Variants in CNTN3 observed in about 807,000 individuals in gnomAD.
CNTN3 encodes the protein contactin-3.
CNTN3 carries 60 observed loss-of-function variants against 119.1 expected under a neutral mutation model. The ratio of observed to expected loss-of-function variants is 0.50; its 90% CI spans 0.41 to 0.62. The LOEUF is 0.62. Ranked by LOEUF, CNTN3 falls within the 20% of genes least tolerant of loss-of-function variation. The pLI, the probability that CNTN3 is intolerant of heterozygous loss-of-function variation, is 0.00. For synonymous variants in CNTN3, 450 were observed against 438.7 expected, an observed-to-expected ratio of 1.03 and a Z score of -0.32; for missense variants, 1,101 against 1,242.4, an observed-to-expected ratio of 0.89 and a Z score of 1.71.
intron 11 of CNTN3, among the ~76,000 whole-genome samples, chr3:74,338,716 C>T (rs932139937): frequency 4.6e-5 from 7 of 151,998 alleles, no homozygotes; most frequent in Non-Finnish European, 8.8e-5. Context: ...CTATCTATTA[C>T]GGTTTGTTAT....
chr3:74,539,235 C>T (rs1223194011), intron 1 of CNTN3, among the ~76,000 whole-genome samples: 1 of 152,052 alleles, frequency 6.6e-6, no homozygotes, highest in Non-Finnish European at 1.5e-5. Flanking sequence ...TTAGGGACAT[C>T]AGGGTTCAAT....
At chr3:74,541,779 G>A (rs1483593839) in intron 1 of CNTN3, among the ~76,000 whole-genome samples, 8 of 152,084 alleles carry the variant, frequency 5.3e-5, no homozygotes, top group African/African-American at 1.9e-4. Flanking sequence ...ATGAAAAAAT[G>A]TTTCACTATA....
chr3:74,570,780 C>T (rs1377879300), intron 1 of CNTN3, among the ~76,000 whole-genome samples: 6 of 152,124 alleles, frequency 3.9e-5, no homozygotes, highest in East Asian at 3.9e-4. Context: ...AATTCTCTGA[C>T]GTATCACTTA....
chr3:74,613,551 C>T (rs189619439), intron 1 of CNTN3, among the ~76,000 whole-genome samples: 4 of 152,264 alleles, frequency 2.6e-5, no homozygotes, highest in Admixed American at 2.6e-4. Context: ...CCTCTGGACA[C>T]ATCTCCTTGT....
intron 1 of CNTN3, among the ~76,000 whole-genome samples, chr3:74,596,140 G>A (rs1328232766): frequency 6.6e-6 from 1 of 152,072 alleles, no homozygotes; most frequent in Non-Finnish European, 1.5e-5. Context: ...GGACGTGAAG[G>A]ACCTCTTCAA....
At chr3:74,333,008 T>C (rs972365517) in intron 13 of CNTN3, among the ~76,000 whole-genome samples, 14 of 152,138 alleles carry the variant, frequency 9.2e-5, no homozygotes, top group Non-Finnish European at 1.5e-4. Flanking sequence ...TTTCCTATCA[T>C]GACAGAAAAA....
chr3:74,403,799 A>C (rs1230839823), intron 5 of CNTN3, among the ~76,000 whole-genome samples: 1 of 152,136 alleles, frequency 6.6e-6, no homozygotes, highest in East Asian at 1.9e-4. Context: ...TCATTAAAAT[A>C]GAAAAGTTTA....
intron 1 of CNTN3, among the ~76,000 whole-genome samples, chr3:74,611,711 TAA>T (rs774538266): frequency 3.9e-5 from 6 of 152,322 alleles, no homozygotes; most frequent in East Asian, 3.9e-4. Flanking sequence ...CCACCAGCAT[TAA>T]GTGATTAATT....
At chr3:74,449,922 A>AT (rs1202642238) in intron 4 of CNTN3, among the ~76,000 whole-genome samples, 1 of 152,174 alleles carries the variant, frequency 6.6e-6, no homozygotes, top group Admixed American at 6.6e-5. Flanking sequence ...CAATTTAATG[A>AT]TATATTTCTC....
At chr3:74,403,249 A>G (rs891313308) in intron 5 of CNTN3, among the ~76,000 whole-genome samples, 3 of 152,200 alleles carry the variant, frequency 2.0e-5, no homozygotes, top group Admixed American at 6.5e-5. Context: ...GACAGTTTCA[A>G]CAAAACTGTG....
intron 5 of CNTN3, among the ~76,000 whole-genome samples, chr3:74,393,584 G>C (rs1366590942): frequency 6.6e-6 from 1 of 152,180 alleles, no homozygotes; most frequent in Non-Finnish European, 1.5e-5. Context: ...AAAGATAAGG[G>C]AGTTCCAGGC....
intron 1 of CNTN3, among the ~76,000 whole-genome samples, 31 bp downstream of exon 1, chr3:74,614,360 C>T (rs1338311026): frequency 6.6e-6 from 1 of 151,866 alleles, no homozygotes; most frequent in African/African-American, 2.4e-5. Flanking sequence ...GTGGCCCGGC[C>T]GGCGCCAGGA....
chr3:74,423,678 C>T (rs1701651484), intron 5 of CNTN3, among the ~76,000 whole-genome samples: 1 of 152,188 alleles, frequency 6.6e-6, no homozygotes, highest in African/African-American at 2.4e-5. Context: ...TCTATGCTTC[C>T]CTTCAAACTT....
chr3:74,372,271 T>G (rs1704360281), intron 5 of CNTN3, among the ~76,000 whole-genome samples: 2 of 152,146 alleles, frequency 1.3e-5, no homozygotes, highest in Non-Finnish European at 2.9e-5. Flanking sequence ...TAAAGATTCA[T>G]GGAGTTAGTT....
intron 3 of CNTN3, among the ~76,000 whole-genome samples, chr3:74,499,146 G>C (rs965811499): frequency 6.6e-6 from 1 of 151,320 alleles, no homozygotes; most frequent in Non-Finnish European, 1.5e-5. Context: ...TAAAAATATA[G>C]ACTTTAACTT....
rs76589270 is a variant in CNTN3, at chr3:74,508,140, G to C, written c.56-8355C>G. Among the ~76,000 whole-genome samples the C allele has an allele frequency of 2.9e-3, 437 of 152,092 alleles. 2 individuals carry two copies. The highest frequency in any genetic ancestry group is 0.01 in the African/African-American group (415 of 41,486). On this transcript the variant is annotated intron_variant, in intron 2 of 22. Coordinates refer to ENST00000263665, the MANE Select transcript of CNTN3 (RefSeq NM_020872.3). ...ATGTGTTGAGGTAACTGAATTATGC[G>C]GACAGTTTCCCCATGCTGTTCTAGT...
At chr3:74,488,108 A>C (rs1361592002) in intron 3 of CNTN3, among the ~76,000 whole-genome samples, 2 of 149,606 alleles carry the variant, frequency 1.3e-5, no homozygotes, top group African/African-American at 4.9e-5. Context: ...GAAAATTATA[A>C]ACCTCAACTT....
Position 74,521,181 on chromosome 3 carries a change from A to C in CNTN3, c.-69T>G. 2 of 831,650 alleles carry C rather than the reference A, an allele frequency of 2.4e-6. No homozygotes were observed. Among genetic ancestry groups the C allele is most frequent in the Non-Finnish European group, 3.8e-6 (2 of 532,452 alleles). 51.5% of individuals were successfully genotyped at this position (831,650 alleles called of 1,614,324 possible). On this transcript the variant is annotated 5_prime_UTR_variant, in exon 2 of 23. Coordinates refer to ENST00000263665, the MANE Select transcript of CNTN3 (RefSeq NM_020872.3). ...TGAATAGAATGCTTTCTCTTCAGGTAAATCCTTTAATCTGTAAAATATATG... is the reference window on the plus strand; with the variant it reads ...TGAATAGAATGCTTTCTCTTCAGGTCAATCCTTTAATCTGTAAAATATATG...
At chr3:74,380,195 C>T (rs1704580102) in intron 5 of CNTN3, among the ~76,000 whole-genome samples, 1 of 152,202 alleles carries the variant, frequency 6.6e-6, no homozygotes, top group Non-Finnish European at 1.5e-5. Context: ...TGCTAGAAAG[C>T]AATCTTAAGA....
Sources: allele counts gnomAD v4.1 joint callset (sites outside exome capture counted in the v4.1 genomes callset), GRCh38; gene constraint gnomAD v4.1.1; transcripts MANE v1.5; gene names NCBI Gene and HGNC (gene_info 2026-07-23, HGNC 2026-07-21).